The following CYSLTR2 variants were observed in gnomAD, a reference collection of about 807,000 sequenced individuals.
The protein encoded by CYSLTR2 is G-protein coupled receptor GPCR21.
For missense variants in CYSLTR2, 398 were observed against 411.9 expected (o/e 0.97, Z 0.29); for synonymous variants, 179 against 160.8 (o/e 1.11, Z -0.86).
At chr13:48,703,980 A>G (rs1312112469) in intron 4 of CYSLTR2, among the ~76,000 whole-genome samples, 1 of 152,184 alleles carries the variant, frequency 6.6e-6, no homozygotes, top group Non-Finnish European at 1.5e-5. Context: ...GAATTAGTCT[A>G]GTTCCTCTAA....
At chr13:48,705,993 G>A (rs924459125) in intron 4 of CYSLTR2, among the ~76,000 whole-genome samples, 1 of 125,794 alleles carries the variant, frequency 7.9e-6, no homozygotes, top group African/African-American at 2.8e-5. Flanking sequence ...GTTTTGTTTT[G>A]TTGTTGTTTT....
chr13:48,667,272 G>A (rs1953287999), intron 1 of CYSLTR2, among the ~76,000 whole-genome samples: 1 of 152,240 alleles, frequency 6.6e-6, no homozygotes, highest in South Asian at 2.1e-4. Flanking sequence ...TAAAGGGAAT[G>A]TGTGTACACA....
intron 1 of CYSLTR2, among the ~76,000 whole-genome samples, chr13:48,667,497 G>A (rs1953296082): frequency 1.3e-5 from 2 of 152,188 alleles, no homozygotes; most frequent in Admixed American, 1.3e-4. Flanking sequence ...CAACCCATTA[G>A]GCTGTTTCTC....
At chr13:48,666,765 C>A (rs1400140638) in intron 1 of CYSLTR2, among the ~76,000 whole-genome samples, 1 of 151,996 alleles carries the variant, frequency 6.6e-6, no homozygotes, top group African/African-American at 2.4e-5. Flanking sequence ...TGATAACTAT[C>A]TTTTTTTGTT....
chr13:48,660,993 T>C (rs1263569752), intron 1 of CYSLTR2, among the ~76,000 whole-genome samples: 3 of 152,232 alleles, frequency 2.0e-5, no homozygotes, highest in Non-Finnish European at 4.4e-5. Context: ...CTTTCTCTGG[T>C]CCAGGCCCTG....
intron 1 of CYSLTR2, among the ~76,000 whole-genome samples, chr13:48,684,049 G>T (rs1219460320): frequency 6.6e-6 from 1 of 152,114 alleles, no homozygotes; most frequent in Non-Finnish European, 1.5e-5. Context: ...CTCCTGAGTA[G>T]CCAGGACTAT....
chr13:48,656,931 A>G (rs919410668), intron 1 of CYSLTR2, among the ~76,000 whole-genome samples: 2 of 152,220 alleles, frequency 1.3e-5, no homozygotes, highest in African/African-American at 4.8e-5. Context: ...AATCCATGTC[A>G]GAAACCCCTA....
intron 1 of CYSLTR2, among the ~76,000 whole-genome samples, chr13:48,667,230 C>T (rs552049345): frequency 6.6e-6 from 1 of 152,242 alleles, no homozygotes; most frequent in Non-Finnish European, 1.5e-5. Flanking sequence ...GTAGTGATAG[C>T]CAGATGTGGG....
intron 1 of CYSLTR2, among the ~76,000 whole-genome samples, chr13:48,656,831 A>T (rs1271372182): frequency 6.6e-6 from 1 of 152,144 alleles, no homozygotes; most frequent in Non-Finnish European, 1.5e-5. Flanking sequence ...TACCCAATGA[A>T]CTCTGGCTAA....
At chr13:48,672,550 C>T (rs1012508217) in intron 1 of CYSLTR2, among the ~76,000 whole-genome samples, 1 of 151,378 alleles carries the variant, frequency 6.6e-6, no homozygotes, top group African/African-American at 2.4e-5. Context: ...AGTAGTCATT[C>T]AGGAGCAGGT....
intron 1 of CYSLTR2, among the ~76,000 whole-genome samples, chr13:48,683,237 A>G (rs1402231181): frequency 6.6e-6 from 1 of 152,194 alleles, no homozygotes; most frequent in African/African-American, 2.4e-5. Context: ...TCCTTTGGGT[A>G]TATACCCAGT....
intron 1 of CYSLTR2, among the ~76,000 whole-genome samples, chr13:48,687,161 G>A (rs1350418257): frequency 6.6e-6 from 1 of 152,038 alleles, no homozygotes; most frequent in Non-Finnish European, 1.5e-5. Context: ...TGGGCCCCCG[G>A]GTTCTCAGGC....
chr13:48,709,351 A>G lies in CYSLTR2; in HGVS notation c.*1493A>G, dbSNP rs912278. ...AAAGTAGGGAGGGACTAAGTCAGTC[A>G]TCATACTAAACAAAAATCCCAGTAC... On this transcript the variant is annotated 3_prime_UTR_variant, in exon 5 of 5. Transcript: ENST00000682523. The G allele has an allele frequency of 0.4, 66,271 of 166,990 alleles. 14,008 individuals are homozygous for G. The highest frequency in any genetic ancestry group is 0.51 in the South Asian group (2,436 of 4,820). 10.3% of individuals were successfully genotyped at this position (166,990 alleles called of 1,614,324 possible).
At chr13:48,671,898 A>G (rs1273190849) in intron 1 of CYSLTR2, among the ~76,000 whole-genome samples, 1 of 150,002 alleles carries the variant, frequency 6.7e-6, no homozygotes, top group Non-Finnish European at 1.5e-5. Context: ...CTTAGAATCC[A>G]TCTGGTCCTG....
chr13:48,670,751 G>A lies in CYSLTR2; in HGVS notation c.-266+16734G>A, dbSNP rs573095989. Among the ~76,000 whole-genome samples the A allele has an allele frequency of 8.5e-5, 13 of 152,194 alleles. No homozygotes were observed. The South Asian group carries it at 2.5e-3, about 29-fold the overall frequency. On this transcript the variant is annotated intron_variant, in intron 1 of 4. Coordinates refer to ENST00000682523, the MANE Select transcript of CYSLTR2 (RefSeq NM_001308476.3). ...TGTTCTTTTTGCTTAGGATTCTCTTGGCTACATAGGCTCTTTTATGGCTCC... is the reference window on the plus strand; with the variant it reads ...TGTTCTTTTTGCTTAGGATTCTCTTAGCTACATAGGCTCTTTTATGGCTCC...
chr13:48,707,665 T>C lies in CYSLTR2; in HGVS notation c.848T>C (p.Leu283Pro). Residue 283 changes from leucine to proline, a missense_variant, in exon 5 of 5, where the codon CTG becomes CCG. Transcript: ENST00000682523. ...TWKVGLCKDRLHKALVITLAL... is the reference protein window; with the variant it reads ...TWKVGLCKDRPHKALVITLAL... ...AAAGTGGGTTTATGCAAAGACAGAC[T>C]GCATAAAGCTTTGGTTATCACACTG... is the stretch of plus-strand genomic sequence containing the variant. 6.2e-7 allele frequency: 1 copy of C among 1,614,160 alleles called. No homozygotes were observed. Among genetic ancestry groups the C allele is most frequent in the Non-Finnish European group, 8.5e-7 (1 of 1,180,024 alleles).
chr13:48,697,266 G>A (rs992794452), intron 4 of CYSLTR2, among the ~76,000 whole-genome samples: 3 of 152,138 alleles, frequency 2.0e-5, no homozygotes, highest in Admixed American at 2.0e-4. Flanking sequence ...TCCCAGTAGG[G>A]GCCGACTGAC....
intron 1 of CYSLTR2, among the ~76,000 whole-genome samples, chr13:48,678,025 C>T (rs1161649628): frequency 6.6e-6 from 1 of 152,032 alleles, no homozygotes; most frequent in Non-Finnish European, 1.5e-5. Context: ...GCAAGCACCA[C>T]CACATTTCTC....
rs566083669 is a variant in CYSLTR2 at position 48,708,731 on chromosome 13, T to G, written c.*873T>G. 2.4e-5 allele frequency: 4 copies of G among 167,078 alleles called. No homozygotes were observed. The highest frequency in any genetic ancestry group is 9.6e-5 in the African/African-American group (4 of 41,530). The allele number at this position is 167,078 out of a possible 1,614,324, so 10.3% of individuals were successfully genotyped here. A position where few individuals can be genotyped will look rare whatever the true frequency, so the allele number is the denominator to read the frequency against. ...AAAGAGGTGCCTCTGAGGATTAGGG[T>G]TGAGCACTCAAGGGAAAGATGGAGT... On this transcript the variant is annotated 3_prime_UTR_variant, in exon 5 of 5. Transcript: ENST00000682523.
Sources: gnomAD v4.1 joint callset for allele counts (sites outside exome capture counted in the v4.1 genomes callset) on GRCh38, gnomAD v4.1.1 for gene constraint, MANE v1.5 for transcripts, NCBI Gene and HGNC (gene_info 2026-07-23, HGNC 2026-07-21) for gene names.